Variants in HHAT observed in about 807,000 individuals in gnomAD.
HHAT encodes the protein protein-cysteine N-palmitoyltransferase HHAT.
HHAT carries 47 observed loss-of-function variants against 70.8 expected under a neutral mutation model. The observed-to-expected ratio is 0.66, with a 90% CI of 0.53 to 0.85. The LOEUF is 0.85. Among genes scored for constraint, HHAT ranks in the 40% least tolerant of loss-of-function variants. HHAT has a pLI of 0.00. For synonymous variants in HHAT, 228 were observed against 247.6 expected (o/e 0.92, Z 0.74); for missense variants, 609 against 604.8 (o/e 1.01, Z -0.07).
At chr1:210,636,001 T>G (rs1450034829) in intron 11 of HHAT, among the ~76,000 whole-genome samples, 1 of 152,262 alleles carries the variant, frequency 6.6e-6, no homozygotes, top group Non-Finnish European at 1.5e-5. Flanking sequence ...TTTTGTTTCC[T>G]TAAACATCAA....
intron 11 of HHAT, among the ~76,000 whole-genome samples, chr1:210,642,739 T>C (rs1329833080): frequency 1.3e-5 from 2 of 152,190 alleles, no homozygotes. Flanking sequence ...ATATTCTGGG[T>C]AAGAATTTTT....
intron 9 of HHAT, among the ~76,000 whole-genome samples, chr1:210,559,566 G>A (rs926239738): frequency 6.6e-6 from 1 of 152,212 alleles, no homozygotes; most frequent in Non-Finnish European, 1.5e-5. Context: ...TTGGACACAG[G>A]ACTGTCTGAC....
At chr1:210,415,350 G>T (rs1367941113) in intron 6 of HHAT, among the ~76,000 whole-genome samples, 1 of 152,186 alleles carries the variant, frequency 6.6e-6, no homozygotes, top group African/African-American at 2.4e-5. Context: ...CTCAGAGCAT[G>T]CATGCTTGAG....
chr1:210,338,849 A>AT (rs2085747105), intron 1 of HHAT, among the ~76,000 whole-genome samples: 1 of 152,122 alleles, frequency 6.6e-6, no homozygotes, highest in African/African-American at 2.4e-5. Context: ...AGAAATCTGT[A>AT]TTTTTTAGAA....
At chr1:210,406,439 G>GC (rs1238157325) in intron 6 of HHAT, among the ~76,000 whole-genome samples, 3 of 151,354 alleles carry the variant, frequency 2.0e-5, no homozygotes, top group Admixed American at 2.0e-4. Context: ...TGTCACCCAG[G>GC]CTGGAGTGCA....
intron 7 of HHAT, among the ~76,000 whole-genome samples, chr1:210,444,814 G>T (rs549735253): frequency 6.6e-6 from 1 of 151,740 alleles, no homozygotes; most frequent in Non-Finnish European, 1.5e-5. Context: ...ATGCCCAGCC[G>T]ATATATAACA....
chr1:210,434,419 A>T (rs2093327485), intron 7 of HHAT, among the ~76,000 whole-genome samples: 1 of 151,912 alleles, frequency 6.6e-6, no homozygotes, highest in Non-Finnish European at 1.5e-5. Context: ...AGGAATGTTC[A>T]GGAAGAGGGT....
At chr1:210,410,541 T>TTTG (rs2092508229) in intron 6 of HHAT, among the ~76,000 whole-genome samples, 1 of 148,180 alleles carries the variant, frequency 6.7e-6, no homozygotes, top group Non-Finnish European at 1.5e-5. Context: ...TTTTTTTTTT[T>TTTG]TTTTAAGATA....
intron 9 of HHAT, among the ~76,000 whole-genome samples, chr1:210,569,399 A>AAAAAAAAAAAAAAAAAAAC (rs1558182185): frequency 1.3e-5 from 2 of 148,368 alleles, no homozygotes; most frequent in African/African-American, 2.5e-5. Context: ...AAAAAAAAAA[A>AAAAAAAAAAAAAAAAAAAC]GCGTATAGCA....
intron 10 of HHAT, among the ~76,000 whole-genome samples, chr1:210,598,700 G>A (rs1212400835): frequency 6.6e-6 from 1 of 152,204 alleles, no homozygotes; most frequent in Non-Finnish European, 1.5e-5. Context: ...GTTGGAGGAT[G>A]GAGGAGAGGT....
At chr1:210,415,513 C>A (rs939162255) in intron 6 of HHAT, among the ~76,000 whole-genome samples, 2 of 152,198 alleles carry the variant, frequency 1.3e-5, no homozygotes, top group Admixed American at 6.5e-5. Context: ...AACTCAAATT[C>A]TGCTTCCTGT....
intron 1 of HHAT, among the ~76,000 whole-genome samples, chr1:210,330,300 G>T (rs1467775733): frequency 6.6e-6 from 1 of 152,160 alleles, no homozygotes; most frequent in Non-Finnish European, 1.5e-5. Context: ...TTCAATTAAT[G>T]TTAATTTAAG....
intron 6 of HHAT, among the ~76,000 whole-genome samples, chr1:210,408,405 A>G (rs1572218506): frequency 6.6e-6 from 1 of 151,452 alleles, no homozygotes; most frequent in Admixed American, 6.6e-5. Flanking sequence ...CTGGTCTTGA[A>G]CTCCCGACCT....
At chr1:210,354,405 A>G (rs1230724237) in intron 2 of HHAT, among the ~76,000 whole-genome samples, 2 of 152,032 alleles carry the variant, frequency 1.3e-5, no homozygotes, top group Non-Finnish European at 2.9e-5. Context: ...GGGTTTCTCC[A>G]TGTTAGTCAG....
intron 11 of HHAT, among the ~76,000 whole-genome samples, chr1:210,665,013 A>C (rs2148969065): frequency 6.6e-6 from 1 of 152,194 alleles, no homozygotes. Context: ...CCTTCATTCT[A>C]CTTCCCCATT....
At chr1:210,463,900 G>T (rs1468922723) in intron 7 of HHAT, among the ~76,000 whole-genome samples, 2 of 152,162 alleles carry the variant, frequency 1.3e-5, no homozygotes, top group South Asian at 4.1e-4. Flanking sequence ...TTTTGTGGGT[G>T]CATAGTAGAT....
chr1:210,374,104 A>C (rs888699065), intron 3 of HHAT: 5 of 150,952 alleles, frequency 3.3e-5, no homozygotes, highest in Admixed American at 2.7e-4. Context: ...TTAAGCCTAA[A>C]GTTGCACCAT....
At chr1:210,543,297 T>A (rs1296409327) in intron 9 of HHAT, among the ~76,000 whole-genome samples, 1 of 152,214 alleles carries the variant, frequency 6.6e-6, no homozygotes, top group Non-Finnish European at 1.5e-5. Context: ...TCTCTGAATT[T>A]TTTTTTCCTC....
intron 11 of HHAT, among the ~76,000 whole-genome samples, chr1:210,667,107 G>C (rs1679068162): frequency 6.6e-6 from 1 of 151,056 alleles, no homozygotes; most frequent in South Asian, 2.1e-4. Flanking sequence ...TCTGGTCTGG[G>C]CACTGTGGCT....
Sources: gnomAD v4.1 joint callset for allele counts (sites outside exome capture counted in the v4.1 genomes callset) on GRCh38, gnomAD v4.1.1 for gene constraint, MANE v1.5 for transcripts, NCBI Gene and HGNC (gene_info 2026-07-23, HGNC 2026-07-21) for gene names.